The following VPS13B variants were observed in gnomAD, a reference collection of about 807,000 sequenced individuals.
VPS13B encodes the protein intermembrane lipid transfer protein VPS13B.
In VPS13B, 285 loss-of-function variants were observed where a neutral mutation model predicts 426.4. The observed-to-expected ratio is 0.67, with a 90% CI of 0.61 to 0.74. The LOEUF (loss-of-function observed/expected upper bound fraction) is 0.74, where lower values mean the gene tolerates loss of function less well. Ranked by LOEUF, VPS13B falls within the 30% of genes least tolerant of loss-of-function variation. VPS13B has a pLI of 0.00. For synonymous variants in VPS13B, 1,676 were observed against 1,676.4 expected, an observed-to-expected ratio of 1.00 and a Z score of 0.01; for missense variants, 4,537 against 4,782.6, an observed-to-expected ratio of 0.95 and a Z score of 1.51.
In VPS13B at chr8:99,156,618, G is replaced by C; in HGVS notation, c.2083G>C (p.Val695Leu). The C allele has an allele frequency of 6.2e-7, 1 of 1,614,096 alleles. No individual in the cohort carries two copies. The highest frequency in any genetic ancestry group is 8.5e-7 in the Non-Finnish European group (1 of 1,179,946). The change falls in exon 15 of 62, where the codon GTG becomes CTG. Residue 695 changes from valine to leucine, a missense_variant. Val to Leu is a conservative substitution (Grantham distance 32, BLOSUM62 1). Around this residue, in one of 2 missense-constraint regions of VPS13B, gnomAD observed 4,311 missense variants for 4,474.3 expected, o/e 0.96. Transcript: ENST00000357162. ...GCCTTTGCCATCCATTCGAATATTG[G>C]TGGATAAAATTAATCTGGAACATTC... Reference protein sequence around the residue: ...LRPLPSIRILVDKINLEHSVP... With the variant: ...LRPLPSIRILLDKINLEHSVP...
At chr8:99,263,009 A>G (rs1010310755) in intron 17 of VPS13B, among the ~76,000 whole-genome samples, 14 of 152,030 alleles carry the variant, frequency 9.2e-5, no homozygotes, top group African/African-American at 3.1e-4. Context: ...TCCTGAGCTC[A>G]AGTGATCATC....
intron 30 of VPS13B, among the ~76,000 whole-genome samples, chr8:99,544,440 G>A (rs1291331255): frequency 1.3e-5 from 2 of 152,020 alleles, no homozygotes; most frequent in Admixed American, 1.3e-4. Context: ...ATGTGCACAT[G>A]TACCCTAAAA....
At chr8:99,801,773 C>G (rs1000332849) in intron 43 of VPS13B, among the ~76,000 whole-genome samples, 3 of 152,110 alleles carry the variant, frequency 2.0e-5, no homozygotes, top group Admixed American at 1.3e-4. Flanking sequence ...AGTGTACTGT[C>G]TAGTTCTTTT....
At chr8:99,539,445 T>C (rs1401156255) in intron 30 of VPS13B, among the ~76,000 whole-genome samples, 2 of 152,224 alleles carry the variant, frequency 1.3e-5, no homozygotes, top group African/African-American at 2.4e-5. Flanking sequence ...GAAGGAATTA[T>C]TGATACATAA....
chr8:99,491,311 A>T (rs920261857), intron 25 of VPS13B, among the ~76,000 whole-genome samples: 2 of 151,748 alleles, frequency 1.3e-5, no homozygotes, highest in South Asian at 2.1e-4. Context: ...CTTCATTTCA[A>T]CCTTGGTGAA....
chr8:99,040,998 A>G (rs1241518203), intron 3 of VPS13B, among the ~76,000 whole-genome samples: 2 of 152,192 alleles, frequency 1.3e-5, no homozygotes, highest in Non-Finnish European at 2.9e-5. Flanking sequence ...TATTTATATA[A>G]TCTCAGCAAA....
At chr8:99,415,712 A>C (rs556155506) in intron 21 of VPS13B, among the ~76,000 whole-genome samples, 1 of 152,358 alleles carries the variant, frequency 6.6e-6, no homozygotes, top group East Asian at 1.9e-4. Flanking sequence ...GGTTCACTCC[A>C]GAACCTGTTT....
At chr8:99,228,725 G>A (rs1816155852) in intron 17 of VPS13B, among the ~76,000 whole-genome samples, 1 of 152,202 alleles carries the variant, frequency 6.6e-6, no homozygotes, top group African/African-American at 2.4e-5. Context: ...AGGCACTGGG[G>A]TTTTTAATGC....
At chr8:99,132,106 A>ATTACTCCTAATCCATG (rs1809834900) in intron 8 of VPS13B, among the ~76,000 whole-genome samples, 1 of 152,168 alleles carries the variant, frequency 6.6e-6, no homozygotes, top group African/African-American at 2.4e-5. Context: ...CACTTTGGCC[A>ATTACTCCTAATCCATG]GGCTGGTCTC....
chr8:99,169,472 A>G (rs1451910720), intron 15 of VPS13B, among the ~76,000 whole-genome samples: 1 of 152,008 alleles, frequency 6.6e-6, no homozygotes, highest in Non-Finnish European at 1.5e-5. Context: ...AATTTATGCC[A>G]TGTACCAAGT....
chr8:99,507,298 G>T, intron 28 of VPS13B, 95 bp downstream of exon 28: 1 of 1,325,792 alleles, frequency 7.5e-7, no homozygotes, highest in South Asian at 1.2e-5. Context: ...ACAAGAATTT[G>T]AGTTCAGAAT....
chr8:99,835,239 T>A lies in VPS13B; in HGVS notation c.9657T>A (p.Tyr3219Ter). The change falls in exon 53 of 62, where the codon TAT (tyrosine) becomes TAA (stop). Residue 3219 changes from tyrosine (Y) to a stop codon, truncating the protein, a stop_gained. Coordinates refer to ENST00000357162, the MANE Select transcript of VPS13B (RefSeq NM_152564.5). LOFTEE classifies it high-confidence loss of function. ...ATCAAGAACACCTCGGAGTGACTTA[T>A]TTAACCCTCTCAGAAGACCCTAGTC... ...LTYQEHLGVT[Y>*]LTLSEDPSPR... is the part of the protein sequence containing the mutation. 1 of 1,614,014 alleles carries A rather than the reference T, an allele frequency of 6.2e-7. No homozygotes were observed. Among genetic ancestry groups the A allele is most frequent in the African/African-American group, 1.3e-5 (1 of 75,028 alleles).
intron 12 of VPS13B, among the ~76,000 whole-genome samples, chr8:99,138,654 A>G (rs1810213680): frequency 6.6e-6 from 1 of 152,248 alleles, no homozygotes; most frequent in Non-Finnish European, 1.5e-5. Flanking sequence ...GGAAAAGATG[A>G]GTTTTGAGAT....
intron 54 of VPS13B, among the ~76,000 whole-genome samples, chr8:99,845,051 A>G (rs1164407983): frequency 6.6e-6 from 1 of 152,196 alleles, no homozygotes; most frequent in Admixed American, 6.5e-5. Flanking sequence ...GTTTTACTGA[A>G]TATCTTACCA....
At chr8:99,596,433 A>G (rs1827019092) in intron 33 of VPS13B, among the ~76,000 whole-genome samples, 1 of 151,976 alleles carries the variant, frequency 6.6e-6, no homozygotes, top group African/African-American at 2.4e-5. Context: ...TCTTTTTCTC[A>G]GGTAACAGTC....
chr8:99,786,450 T>G (rs1047237215), intron 43 of VPS13B, among the ~76,000 whole-genome samples: 1 of 152,100 alleles, frequency 6.6e-6, no homozygotes, highest in Non-Finnish European at 1.5e-5. Flanking sequence ...GGCAGCATGA[T>G]TTGTCTGTTA....
chr8:99,874,641 C>A (rs144245471), intron 61 of VPS13B, among the ~76,000 whole-genome samples: 93 of 152,148 alleles, frequency 6.1e-4, no homozygotes, highest in African/African-American at 2.2e-3. Context: ...ACTTGATCTA[C>A]ACACTAGATA....
At chr8:99,814,054 C>A (rs1343227699) in intron 44 of VPS13B, among the ~76,000 whole-genome samples, 3 of 152,144 alleles carry the variant, frequency 2.0e-5, no homozygotes, top group Non-Finnish European at 4.4e-5. Flanking sequence ...GCAAGAAGAT[C>A]CCTTGAGCCG....
intron 17 of VPS13B, among the ~76,000 whole-genome samples, chr8:99,208,449 C>T (rs545437734): frequency 5.3e-5 from 8 of 151,964 alleles, no homozygotes; most frequent in African/African-American, 1.9e-4. Flanking sequence ...ATTTTGGTTG[C>T]AAAATTCCAT....
Sources: allele counts gnomAD v4.1 joint callset (sites outside exome capture counted in the v4.1 genomes callset), GRCh38; gene constraint gnomAD v4.1.1; regional missense constraint gnomAD v4.1.1; transcripts MANE v1.5; gene names NCBI Gene and HGNC (gene_info 2026-07-23, HGNC 2026-07-21).